TRIM2: variants seen among roughly 807,000 people sequenced by gnomAD.
TRIM2 encodes the protein tripartite motif-containing protein 2.
In TRIM2, 20 loss-of-function variants were observed where a neutral mutation model predicts 75.2. That is an observed-to-expected ratio of 0.27 (90% CI 0.19 to 0.39). TRIM2 has a LOEUF of 0.39. TRIM2 is among the 10% of genes least tolerant of loss of function. The probability of loss-of-function intolerance (pLI) is 1.00; values close to 1 mark genes in which losing one functional copy is unlikely to be tolerated. For missense variants in TRIM2, 660 were observed against 990.8 expected, an observed-to-expected ratio of 0.67 and a Z score of 4.48; for synonymous variants, 373 against 388.3, an observed-to-expected ratio of 0.96 and a Z score of 0.46.
intron 1 of TRIM2, among the ~76,000 whole-genome samples, chr4:153,217,700 AGAGGCTATGTTG>A: frequency 8.8e-6 from 1 of 113,360 alleles, no homozygotes; most frequent in Non-Finnish European, 1.9e-5. Flanking sequence ...GGCTATGTTT[AGAGGCTATGTTG>A]GAGAGCAGGG....
chr4:153,170,133 A>G (rs1049267182), intron 1 of TRIM2, among the ~76,000 whole-genome samples: 2 of 117,832 alleles, frequency 1.7e-5, no homozygotes, highest in Admixed American at 8.0e-5. Flanking sequence ...GAAGAAGGAG[A>G]AGGAGGAGGA....
chr4:153,190,956 C>T (rs4476580), intron 1 of TRIM2, among the ~76,000 whole-genome samples: 3 of 152,198 alleles, frequency 2.0e-5, no homozygotes, highest in East Asian at 1.9e-4. Context: ...AGGCTGGTCT[C>T]GAACTCCTGA....
chr4:153,191,464 T>G (rs1434972309), intron 1 of TRIM2, among the ~76,000 whole-genome samples: 1 of 152,228 alleles, frequency 6.6e-6, no homozygotes, highest in Non-Finnish European at 1.5e-5. Flanking sequence ...TGCTTAAAAA[T>G]GCAATAATGA....
intron 1 of TRIM2, among the ~76,000 whole-genome samples, chr4:153,261,586 T>A (rs1167356229): frequency 6.6e-6 from 1 of 152,166 alleles, no homozygotes; most frequent in Non-Finnish European, 1.5e-5. Flanking sequence ...ACAAATCACA[T>A]GTTAAAATTT....
chr4:153,223,880 C>G (rs1031048787), intron 1 of TRIM2, among the ~76,000 whole-genome samples: 2 of 152,142 alleles, frequency 1.3e-5, no homozygotes, highest in African/African-American at 4.8e-5. Flanking sequence ...TTAGGCTAGC[C>G]CCTTAGGGTG....
chr4:153,171,139 TG>T (rs1730810032), intron 1 of TRIM2, among the ~76,000 whole-genome samples: 5 of 152,194 alleles, frequency 3.3e-5, no homozygotes. Flanking sequence ...ATCCAGCATC[TG>T]GGAAGGGTCA....
At chr4:153,194,889 C>T (rs2149667095) in intron 1 of TRIM2, among the ~76,000 whole-genome samples, 1 of 152,244 alleles carries the variant, frequency 6.6e-6, no homozygotes, top group South Asian at 2.1e-4. Context: ...TTCTGTCTCC[C>T]TTGCCTGTGT....
At chr4:153,163,112 T>C (rs1448859187) in intron 1 of TRIM2, among the ~76,000 whole-genome samples, 2 of 152,224 alleles carry the variant, frequency 1.3e-5, no homozygotes, top group Non-Finnish European at 2.9e-5. Flanking sequence ...TGCAACTCAG[T>C]GGTTACTGTA....
chr4:153,169,826 G>A (rs1347570024), intron 1 of TRIM2, among the ~76,000 whole-genome samples: 1 of 152,148 alleles, frequency 6.6e-6, no homozygotes, highest in Non-Finnish European at 1.5e-5. Flanking sequence ...TCTACGTGTG[G>A]CATCTTTCCA....
At chr4:153,325,079 AAATT>A (rs1769859214) in intron 10 of TRIM2, among the ~76,000 whole-genome samples, 1 of 152,230 alleles carries the variant, frequency 6.6e-6, no homozygotes, top group Non-Finnish European at 1.5e-5. Flanking sequence ...TGAGCAACCA[AAATT>A]AATAATGACT....
chr4:153,293,680 G>A (rs530024806), intron 4 of TRIM2, among the ~76,000 whole-genome samples: 3 of 152,318 alleles, frequency 2.0e-5, no homozygotes, highest in South Asian at 4.1e-4. Context: ...CAGCAGAAAA[G>A]CAGACAAAAT....
chr4:153,156,861 C>T (rs1292176139), intron 1 of TRIM2: 1 of 152,232 alleles, frequency 6.6e-6, no homozygotes, highest in African/African-American at 2.4e-5. Flanking sequence ...CTGGATTCTC[C>T]CTGCCTCTCC....
rs549686914 is a variant in TRIM2 at position 153,180,623 on chromosome 4, G to A, written c.-49+27353G>A. Among the ~76,000 whole-genome samples the A allele has an allele frequency of 6.5e-4, 99 of 152,252 alleles. 3 individuals are homozygous for A. The South Asian group carries it at 0.019, about 29-fold the overall frequency. ...CTCCCAAGTAGCTGGGATCACAGGC[G>A]TGTGCCACCACGCTCAGCTAATTTT... On this transcript the variant is annotated intron_variant, in intron 1 of 11. Transcript: ENST00000437508.
At chr4:153,155,196 T>C (rs1026399305) in intron 1 of TRIM2, among the ~76,000 whole-genome samples, 2 of 151,724 alleles carry the variant, frequency 1.3e-5, no homozygotes, top group Non-Finnish European at 2.9e-5. Context: ...CATCTCAGAG[T>C]GGGGTTTCTC....
intron 1 of TRIM2, among the ~76,000 whole-genome samples, chr4:153,175,096 G>A (rs1731282984): frequency 6.6e-6 from 1 of 151,804 alleles, no homozygotes; most frequent in Admixed American, 6.6e-5. Flanking sequence ...TGCAACCTCC[G>A]CCTTCTGCCT....
intron 11 of TRIM2, among the ~76,000 whole-genome samples, chr4:153,332,652 A>G (rs188797852): frequency 6.6e-6 from 1 of 152,142 alleles, no homozygotes; most frequent in African/African-American, 2.4e-5. Flanking sequence ...TCTCAAAAAA[A>G]AAAAAAGAAA....
intron 3 of TRIM2, among the ~76,000 whole-genome samples, chr4:153,287,964 T>C (rs1441908111): frequency 6.6e-6 from 1 of 152,212 alleles, no homozygotes. Flanking sequence ...GAAGGTATAC[T>C]AGCAACAGAC....
chr4:153,327,718 A>G (rs1034849376), intron 10 of TRIM2, among the ~76,000 whole-genome samples: 2 of 152,210 alleles, frequency 1.3e-5, no homozygotes, highest in African/African-American at 4.8e-5. Flanking sequence ...CTCTATTAAT[A>G]AGAATATGTA....
chr4:153,208,957 A>C (rs749300418), intron 1 of TRIM2, among the ~76,000 whole-genome samples: 1 of 152,216 alleles, frequency 6.6e-6, no homozygotes, highest in Admixed American at 6.5e-5. Context: ...ACACACAAAG[A>C]AATGTGTTCG....
Sources: gnomAD v4.1 joint callset for allele counts (sites outside exome capture counted in the v4.1 genomes callset) on GRCh38, gnomAD v4.1.1 for gene constraint, MANE v1.5 for transcripts, NCBI Gene and HGNC (gene_info 2026-07-23, HGNC 2026-07-21) for gene names.